TMEM185A: variants seen among roughly 807,000 people sequenced by gnomAD.
TMEM185A encodes the protein transmembrane protein 185A.
In TMEM185A, 9 loss-of-function variants were observed where a neutral mutation model predicts 25.0. The observed-to-expected ratio is 0.36, with a 90% CI of 0.22 to 0.63. TMEM185A has a LOEUF of 0.63. TMEM185A is among the 20% of genes least tolerant of loss of function. The probability of loss-of-function intolerance (pLI) is 0.68; values close to 1 mark genes in which losing one functional copy is unlikely to be tolerated. For missense variants in TMEM185A, 103 were observed against 237.4 expected (o/e 0.43, Z 3.72); for synonymous variants, 45 against 93.5 (o/e 0.48, Z 2.99).
intron 1 of TMEM185A, among the ~76,000 whole-genome samples, chrX:149,624,996 GAAAGACA>G (rs1353665200): frequency 3.6e-5 from 4 of 112,145 alleles, no homozygotes; most frequent in Non-Finnish European, 7.5e-5. Flanking sequence ...GCAGTATTAT[GAAAGACA>G]AAAGTTCTGC....
intron 1 of TMEM185A, among the ~76,000 whole-genome samples, chrX:149,628,164 C>T (rs2090173376): frequency 9.0e-6 from 1 of 111,392 alleles, no homozygotes; most frequent in African/African-American, 3.3e-5. Context: ...TAAGAAGGCC[C>T]AGCAGAGTTT....
chrX:149,619,490 CTTT>C (rs782400155), intron 1 of TMEM185A, among the ~76,000 whole-genome samples: 24 of 108,494 alleles, frequency 2.2e-4, no homozygotes, highest in African/African-American at 6.7e-4. Flanking sequence ...GTATTTTTGT[CTTT>C]TTTTTTCTTT....
At position 149,608,810 on chromosome X, in the gene TMEM185A, C is replaced by T; in HGVS notation, c.240G>A (p.Glu80=). Residue 80 remains glutamate (E), a synonymous_variant, in exon 3 of 7, where the codon GAG becomes GAA. Transcript: ENST00000600449. ...CCACTGCAATCAACATGGCTTTAAA[C>T]TCCACACACGTTTCTCCTTCTGCTC... ...QYRAEGETCV[E]FKAMLIAVGI... is the part of the protein sequence containing the mutation. 3.3e-6 allele frequency: 4 copies of T among 1,211,447 alleles called. No homozygotes were observed. In the South Asian group the frequency reaches 7.0e-5, roughly 21 times the overall value.
At chrX:149,613,790 G>A (rs187601941) in intron 1 of TMEM185A, among the ~76,000 whole-genome samples, 27 of 112,103 alleles carry the variant, frequency 2.4e-4, no homozygotes, top group Middle Eastern at 9.2e-3. Flanking sequence ...TATTTGTGGG[G>A]GTGGGGCATT....
chrX:149,606,462 C>T (rs1318248310), intron 3 of TMEM185A, among the ~76,000 whole-genome samples: 1 of 113,070 alleles, frequency 8.8e-6, no homozygotes, highest in Non-Finnish European at 1.9e-5. Context: ...AGCACATGCT[C>T]TGTGGGCTGA....
intron 1 of TMEM185A, among the ~76,000 whole-genome samples, chrX:149,616,019 TTA>T (rs1441793820): frequency 2.7e-5 from 3 of 111,186 alleles, no homozygotes; most frequent in African/African-American, 9.8e-5. Flanking sequence ...AGAGAGTGAG[TTA>T]GCTCTCTGGT....
At chrX:149,612,976 C>T (rs1557354674) in intron 1 of TMEM185A, among the ~76,000 whole-genome samples, 2 of 111,964 alleles carry the variant, frequency 1.8e-5, no homozygotes, top group African/African-American at 6.5e-5. Flanking sequence ...TGCCATATCG[C>T]TTCTGCTTCC....
chrX:149,626,244 C>T (rs1557356003), intron 1 of TMEM185A, among the ~76,000 whole-genome samples: 1 of 112,327 alleles, frequency 8.9e-6, no homozygotes, highest in African/African-American at 3.2e-5. Context: ...AGACCATTTT[C>T]TGACTGTAGG....
intron 1 of TMEM185A, among the ~76,000 whole-genome samples, chrX:149,619,443 T>G (rs1433287889): frequency 1.8e-5 from 2 of 110,940 alleles, no homozygotes; most frequent in African/African-American, 6.7e-5. Context: ...CTGCACTTTC[T>G]TTTTTTGTGT....
chrX:149,631,601 C>A lies in TMEM185A; in HGVS notation c.-21G>T. 3 of 1,155,542 alleles carry A rather than the reference C, an allele frequency of 2.6e-6. No individual in the cohort carries two copies. Among genetic ancestry groups the A allele is most frequent in the Non-Finnish European group, 2.3e-6 (2 of 865,340 alleles). On this transcript the variant is annotated 5_prime_UTR_variant, in exon 1 of 7. Transcript: ENST00000600449. ...TTCATGGCGGAGAACTTCACCGCGG[C>A]GTCCTCCTCCTCCTCCCCCGCACCC...
intron 1 of TMEM185A, among the ~76,000 whole-genome samples, chrX:149,622,094 G>A (rs2090142292): frequency 8.9e-6 from 1 of 112,161 alleles, no homozygotes; most frequent in Non-Finnish European, 1.9e-5. Context: ...CAAGAGTTAC[G>A]CTTGGAACCA....
At chrX:149,629,252 C>A (rs782407506) in intron 1 of TMEM185A, among the ~76,000 whole-genome samples, 17 of 111,412 alleles carry the variant, frequency 1.5e-4, no homozygotes, top group Non-Finnish European at 2.5e-4. Flanking sequence ...CAGTGTGTGA[C>A]AAGGTCCTGG....
chrX:149,617,715 A>G (rs2090117563), intron 1 of TMEM185A, among the ~76,000 whole-genome samples: 2 of 112,160 alleles, frequency 1.8e-5, no homozygotes, highest in Non-Finnish European at 3.8e-5. Flanking sequence ...GTCCACACAA[A>G]GGCCTGTATT....
chrX:149,602,182 A>G (rs1385920098), intron 4 of TMEM185A: 3 of 107,848 alleles, frequency 2.8e-5, no homozygotes, highest in Non-Finnish European at 3.8e-5. Context: ...CAGTGTTTTG[A>G]TGTGTGCTTT....
intron 1 of TMEM185A, among the ~76,000 whole-genome samples, chrX:149,625,070 C>T (rs2090157176): frequency 1.8e-5 from 2 of 112,470 alleles, no homozygotes; most frequent in Admixed American, 9.4e-5. Context: ...TAGGTTGGAG[C>T]TGACAAAGTA....
intron 1 of TMEM185A, among the ~76,000 whole-genome samples, chrX:149,616,322 C>T (rs782602790): frequency 1.8e-5 from 2 of 112,208 alleles, no homozygotes; most frequent in Admixed American, 1.9e-4. Context: ...CTTAAAATGG[C>T]ACACATTTAT....
At position 149,597,233 on chromosome X, in the gene TMEM185A, A is replaced by T. The variant is rs868910384; in HGVS notation, c.*778T>A. On this transcript the variant is annotated 3_prime_UTR_variant, in exon 7 of 7. Transcript: ENST00000600449. ...CGTGGCACCCCACGGGGGGGGGGGG[A>T]GTGTGCCACGGGCGTCCACTTCTGC... 2 of 64,104 alleles carry T rather than the reference A, an allele frequency of 3.1e-5. No individual in the cohort carries two copies. The highest frequency in any genetic ancestry group is 1.0e-4 in the African/African-American group (2 of 19,181). The allele number at this position is 64,104 out of a possible 1,213,427, so 5.3% of individuals were successfully genotyped here. A position where few individuals can be genotyped will look rare whatever the true frequency, so the allele number is the denominator to read the frequency against.
At chrX:149,620,508 A>ACTTG (rs1430520497) in intron 1 of TMEM185A, among the ~76,000 whole-genome samples, 1 of 111,643 alleles carries the variant, frequency 9.0e-6, no homozygotes, top group East Asian at 2.8e-4. Flanking sequence ...TTTTTTTTTA[A>ACTTG]CTGCAAGTCC....
At position 149,618,429 on chromosome X, in the gene TMEM185A, A is replaced by G. The variant is rs781941994; in HGVS notation, c.39-6966T>C. On this transcript the variant is annotated intron_variant, in intron 1 of 6. Transcript: ENST00000600449. ...CAGAGGGGTTGCTAAAAAAATATAC[A>G]TAGCATCATTGTGTCATGGTATTCT... 5.4e-5 allele frequency among the ~76,000 whole-genome samples: 6 copies of G among 111,387 alleles called. No homozygotes were observed. In the East Asian group the frequency reaches 1.7e-3, roughly 31 times the overall value.
Sources: allele counts gnomAD v4.1 joint callset (sites outside exome capture counted in the v4.1 genomes callset), GRCh38; gene constraint gnomAD v4.1.1; transcripts MANE v1.5; gene names NCBI Gene and HGNC (gene_info 2026-07-23, HGNC 2026-07-21).